CFAP44: variants seen among roughly 807,000 people sequenced by gnomAD.
The protein encoded by CFAP44 is cilia and flagella associated protein 44.
CFAP44 carries 134 observed loss-of-function variants against 216.2 expected under a neutral mutation model. The observed-to-expected ratio is 0.62, with a 90% confidence interval of 0.54 to 0.72. The LOEUF (loss-of-function observed/expected upper bound fraction) is 0.72. Ranked by LOEUF, CFAP44 falls within the 30% of genes least tolerant of loss-of-function variation. CFAP44 has a pLI of 0.00. For missense variants in CFAP44, 2,035 were observed against 2,182.1 expected (o/e 0.93, Z 1.34); for synonymous variants, 700 against 727.6 (o/e 0.96, Z 0.61).
In CFAP44 at chr3:113,344,460, T is replaced by C. The variant is rs548977198; in HGVS notation, c.3262+56A>G. The C allele has an allele frequency of 7.6e-6, 11 of 1,443,248 alleles. No homozygotes were observed. The African/African-American group carries it at 1.6e-4, about 20-fold the overall frequency. The allele number at this position is 1,443,248 out of a possible 1,614,324, so 89.4% of individuals were successfully genotyped here. On this transcript the variant is annotated intron_variant, in intron 23 of 34. Transcript: ENST00000393845. ...GTTCAATGGTTCTGTCCACAGACAA[T>C]TCACTTTTGAAGTCTTAGTAAATAA...
intron 17 of CFAP44, among the ~76,000 whole-genome samples, chr3:113,378,049 T>C (rs1248539651): frequency 6.6e-6 from 1 of 152,178 alleles, no homozygotes; most frequent in Non-Finnish European, 1.5e-5. Flanking sequence ...TGTGTTTTGT[T>C]GTTGTTGTTT....
chr3:113,354,312 C>G (rs945794201), intron 22 of CFAP44, among the ~76,000 whole-genome samples: 2 of 152,188 alleles, frequency 1.3e-5, no homozygotes, highest in African/African-American at 4.8e-5. Flanking sequence ...TTTGAAGGAA[C>G]TGGATCACCC....
chr3:113,326,720 G>T, intron 27 of CFAP44, 80 bp from the exon 28 acceptor site: 1 of 762,206 alleles, frequency 1.3e-6, no homozygotes, highest in South Asian at 3.6e-5. Flanking sequence ...TACAATACAA[G>T]GTTACAGTTT....
At chr3:113,296,628 A>C in intron 33 of CFAP44, 97 bp downstream of exon 33, 2 of 1,402,938 alleles carry the variant, frequency 1.4e-6, no homozygotes. Flanking sequence ...GACCAGCTCC[A>C]GCTACACAGA....
intron 26 of CFAP44, among the ~76,000 whole-genome samples, chr3:113,329,133 A>C (rs910087957): frequency 6.6e-6 from 1 of 152,200 alleles, no homozygotes; most frequent in Non-Finnish European, 1.5e-5. Flanking sequence ...TTGCTCAAGA[A>C]TTGTGTAATT....
At chr3:113,345,943 T>C (rs149716115) in intron 22 of CFAP44, among the ~76,000 whole-genome samples, 250 of 152,334 alleles carry the variant, frequency 1.6e-3, no homozygotes, top group African/African-American at 5.5e-3. Context: ...TCTCATCTCT[T>C]TAAGACTTAT....
At chr3:113,305,010 T>A in intron 31 of CFAP44, 26 bp downstream of exon 31, 1 of 1,532,106 alleles carries the variant, frequency 6.5e-7, no homozygotes, top group Non-Finnish European at 8.8e-7. Context: ...TCGGACAGGA[T>A]GGAGCAGCCT....
At chr3:113,334,152 A>G (rs1299708012) in intron 24 of CFAP44, among the ~76,000 whole-genome samples, 2 of 152,052 alleles carry the variant, frequency 1.3e-5, no homozygotes, top group African/African-American at 4.8e-5. Context: ...GGGTTTCATC[A>G]TGTTGGCCAG....
chr3:113,323,238 G>T (rs887694445), intron 28 of CFAP44, among the ~76,000 whole-genome samples: 1 of 151,994 alleles, frequency 6.6e-6, no homozygotes, highest in African/African-American at 2.4e-5. Context: ...ATGGTGGGTT[G>T]GACAAAGAAA....
chr3:113,350,121 G>C (rs773873628), intron 22 of CFAP44, among the ~76,000 whole-genome samples: 36 of 152,064 alleles, frequency 2.4e-4, no homozygotes, highest in Admixed American at 5.2e-4. Flanking sequence ...GGAAGGAGAG[G>C]GGAGAACAGC....
At chr3:113,342,070 T>G (rs1356061069) in intron 23 of CFAP44, among the ~76,000 whole-genome samples, 152 bp from the exon 24 acceptor site, 2 of 152,228 alleles carry the variant, frequency 1.3e-5, no homozygotes, top group African/African-American at 4.8e-5. Context: ...TGGTGGCTCT[T>G]GCCTGTAATC....
At chr3:113,372,139 A>T (rs1933187646) in intron 18 of CFAP44, among the ~76,000 whole-genome samples, 1 of 152,232 alleles carries the variant, frequency 6.6e-6, no homozygotes, top group South Asian at 2.1e-4. Flanking sequence ...TGGGAATGTA[A>T]ATTAGTTCAA....
intron 25 of CFAP44, among the ~76,000 whole-genome samples, chr3:113,331,663 AGGCC>A (rs1478925085): frequency 6.6e-6 from 1 of 152,218 alleles, no homozygotes; most frequent in Non-Finnish European, 1.5e-5. Flanking sequence ...ACTGCAGATT[AGGCC>A]ACCAAGAACA....
At chr3:113,339,127 G>T (rs758696301) in intron 24 of CFAP44, among the ~76,000 whole-genome samples, 1 of 152,140 alleles carries the variant, frequency 6.6e-6, no homozygotes, top group East Asian at 1.9e-4. Flanking sequence ...CTGCTGAATG[G>T]TATCAAAAAT....
At chr3:113,441,172 C>G (rs1935353429) in intron 1 of CFAP44, among the ~76,000 whole-genome samples, 2 of 152,230 alleles carry the variant, frequency 1.3e-5, no homozygotes, top group Non-Finnish European at 2.9e-5. Context: ...TGACTCGCTG[C>G]TGCTCTGACT....
chr3:113,286,993 A>G lies in CFAP44; in HGVS notation c.*4564T>C, dbSNP rs1223710871. 1.0e-6 allele frequency: 1 copy of G among 963,414 alleles called. No individual in the cohort carries two copies. The highest frequency in any genetic ancestry group is 1.6e-6 in the Non-Finnish European group (1 of 636,410). The allele number at this position is 963,414 out of a possible 1,614,324, so 59.7% of individuals were successfully genotyped here. A position where few individuals can be genotyped will look rare whatever the true frequency, so the allele number is the denominator to read the frequency against. ...TATTTATATATTTATGCACTTGTAAATAAATGTATATGTTTTATAATTCTG... is the reference window on the plus strand; with the variant it reads ...TATTTATATATTTATGCACTTGTAAGTAAATGTATATGTTTTATAATTCTG... On this transcript the variant is annotated 3_prime_UTR_variant, in exon 35 of 35. Coordinates refer to ENST00000393845, the MANE Select transcript of CFAP44 (RefSeq NM_001164496.2).
intron 4 of CFAP44, among the ~76,000 whole-genome samples, chr3:113,422,551 G>A (rs1934845736): frequency 1.3e-5 from 2 of 152,102 alleles, no homozygotes; most frequent in South Asian, 4.2e-4. Context: ...ACACATAAAT[G>A]CCTAAAATTA....
At position 113,330,342 on chromosome 3, in the gene CFAP44, A is replaced by C; in HGVS notation, c.3942T>G (p.Asp1314Glu). The C allele has an allele frequency of 6.5e-7, 1 of 1,537,296 alleles. No individual in the cohort carries two copies. The highest frequency in any genetic ancestry group is 8.7e-7 in the Non-Finnish European group (1 of 1,146,892). Residue 1314 changes from aspartate (D) to glutamate (E), a missense_variant, in exon 26 of 35, where the codon GAT (aspartate) becomes GAG (glutamate). Asp to Glu is a conservative substitution (Grantham distance 45, BLOSUM62 2). This residue lies in a region of CFAP44 where 1,883 missense variants were observed against 2,023.7 expected (regional missense o/e 0.93). Transcript: ENST00000393845. The stretch of plus-strand genomic sequence containing the variant: ...TTGAATCACGGGTTGTCAAATCCCC[A>C]TCCTTTCTAGAAGAGAGTTTGAGGA... The part of the protein sequence containing the change: ...GGFLKLSSRK[D>E]GDLTTRDSIS...
At chr3:113,323,806 G>A (rs1158479273) in intron 28 of CFAP44, among the ~76,000 whole-genome samples, 1 of 152,130 alleles carries the variant, frequency 6.6e-6, no homozygotes, top group East Asian at 1.9e-4. Context: ...CACTTTGGGA[G>A]GCCAAGGCCG....
Sources: allele counts gnomAD v4.1 joint callset (sites outside exome capture counted in the v4.1 genomes callset), GRCh38; gene constraint gnomAD v4.1.1; regional missense constraint gnomAD v4.1.1; transcripts MANE v1.5; gene names NCBI Gene and HGNC (gene_info 2026-07-23, HGNC 2026-07-21).